Variants in ARL15 observed in about 807,000 individuals in gnomAD.
ARL15 encodes ARF like GTPase 15, also known as ADP-ribosylation factor-like protein 15.
A neutral mutation model predicts 25.2 loss-of-function variants in ARL15; 19 were observed. That is an observed-to-expected ratio of 0.75 (90% CI 0.53 to 1.10). ARL15 has a LOEUF of 1.10. ARL15 is among the 50% of genes least tolerant of loss of function. ARL15 has a pLI of 0.00. For missense variants in ARL15, 220 were observed against 246.0 expected, an observed-to-expected ratio of 0.89 and a Z score of 0.71; for synonymous variants, 94 against 86.8, an observed-to-expected ratio of 1.08 and a Z score of -0.46.
intron 4 of ARL15, among the ~76,000 whole-genome samples, chr5:54,098,704 G>T (rs1752355796): frequency 6.6e-6 from 1 of 152,122 alleles, no homozygotes; most frequent in South Asian, 2.1e-4. Flanking sequence ...CTCCTCTTCT[G>T]CCCTGTTTTC....
chr5:54,144,100 G>C (rs184812366), intron 3 of ARL15, among the ~76,000 whole-genome samples: 1 of 152,132 alleles, frequency 6.6e-6, no homozygotes, highest in African/African-American at 2.4e-5. Flanking sequence ...GTGAAAGAGA[G>C]AGAAATCGTA....
intron 4 of ARL15, among the ~76,000 whole-genome samples, chr5:53,957,657 T>C (rs1747203133): frequency 1.3e-5 from 2 of 151,752 alleles, no homozygotes; most frequent in South Asian, 4.2e-4. Flanking sequence ...AGCTTGTCTC[T>C]ACAAAAAAAT....
At chr5:53,912,070 A>T (rs1029070514) in intron 4 of ARL15, 26 of 151,990 alleles carry the variant, frequency 1.7e-4, no homozygotes, top group Admixed American at 1.2e-3. Flanking sequence ...CACAGGAGCC[A>T]CGCTAATCTC....
chr5:53,922,953 A>C (rs745487109), intron 4 of ARL15, among the ~76,000 whole-genome samples: 2 of 152,222 alleles, frequency 1.3e-5, no homozygotes, highest in Non-Finnish European at 2.9e-5. Flanking sequence ...TTGAATAACC[A>C]GTGTATACAG....
At chr5:54,191,934 A>G (rs145400831) in intron 1 of ARL15, among the ~76,000 whole-genome samples, 127 of 152,232 alleles carry the variant, frequency 8.3e-4, no homozygotes, top group African/African-American at 3.0e-3. Flanking sequence ...ATAGCAGACT[A>G]AAAGGTCCTA....
chr5:53,925,474 G>C (rs1380322934), intron 4 of ARL15, among the ~76,000 whole-genome samples: 1 of 152,150 alleles, frequency 6.6e-6, no homozygotes, highest in Non-Finnish European at 1.5e-5. Flanking sequence ...TGGGATTATA[G>C]GCGTGAACCA....
chr5:54,047,049 G>T (rs1298849587), intron 4 of ARL15, among the ~76,000 whole-genome samples: 1 of 152,218 alleles, frequency 6.6e-6, no homozygotes, highest in Non-Finnish European at 1.5e-5. Context: ...AGGAGGGTCA[G>T]TGAGTTGAAG....
chr5:54,089,486 T>C (rs1234178041), intron 4 of ARL15, among the ~76,000 whole-genome samples: 3 of 152,192 alleles, frequency 2.0e-5, no homozygotes, highest in East Asian at 1.9e-4. Flanking sequence ...CCATTCATAA[T>C]AAAATTCACT....
chr5:53,966,308 C>A (rs113099130), intron 4 of ARL15, among the ~76,000 whole-genome samples: 1 of 152,290 alleles, frequency 6.6e-6, no homozygotes, highest in Non-Finnish European at 1.5e-5. Context: ...GAAGGTTGTA[C>A]CCCAGGGAGG....
chr5:54,252,017 T>G (rs1188153726), intron 1 of ARL15, among the ~76,000 whole-genome samples: 2 of 152,238 alleles, frequency 1.3e-5, no homozygotes, highest in Non-Finnish European at 2.9e-5. Context: ...AAAGACTAAT[T>G]TAAAATTCTC....
At chr5:54,051,375 T>G (rs1750696536) in intron 4 of ARL15, among the ~76,000 whole-genome samples, 1 of 152,228 alleles carries the variant, frequency 6.6e-6, no homozygotes, top group Non-Finnish European at 1.5e-5. Context: ...ACCCTCACAC[T>G]TACAACATGC....
intron 1 of ARL15, chr5:54,282,363 T>C (rs1190914601): frequency 4.1e-6 from 4 of 985,294 alleles, no homozygotes; most frequent in Non-Finnish European, 4.8e-6. Flanking sequence ...GAATAAGAAA[T>C]GTTTGTACCA....
chr5:54,264,623 C>G (rs7720558), intron 1 of ARL15, among the ~76,000 whole-genome samples: 1 of 152,060 alleles, frequency 6.6e-6, no homozygotes, highest in African/African-American at 2.4e-5. Flanking sequence ...ACTCTTTCTG[C>G]TTCAGCCATT....
intron 1 of ARL15, among the ~76,000 whole-genome samples, chr5:54,252,848 C>T (rs1226412110): frequency 3.9e-5 from 6 of 152,086 alleles, no homozygotes; most frequent in Non-Finnish European, 5.9e-5. Context: ...CTCAGCCTTC[C>T]GAGCAGCTGG....
chr5:54,023,049 G>C (rs761344208), intron 4 of ARL15, among the ~76,000 whole-genome samples: 1 of 152,162 alleles, frequency 6.6e-6, no homozygotes, highest in Non-Finnish European at 1.5e-5. Flanking sequence ...GGATGGAGAA[G>C]TCAGGTCAGT....
chr5:54,172,598 G>A (rs139326251), intron 1 of ARL15, among the ~76,000 whole-genome samples: 1,719 of 152,200 alleles, frequency 0.011, 12 homozygotes, highest in Middle Eastern at 0.031. Flanking sequence ...ATACCTCTAA[G>A]TATTTAGAGG....
At chr5:53,901,181 G>A (rs905429469) in intron 4 of ARL15, among the ~76,000 whole-genome samples, 6 of 151,858 alleles carry the variant, frequency 4.0e-5, no homozygotes, top group African/African-American at 9.7e-5. Context: ...CTTCCTTTCT[G>A]TCAATCATTT....
At chr5:54,019,958 T>C (rs1055835608) in intron 4 of ARL15, among the ~76,000 whole-genome samples, 2 of 152,200 alleles carry the variant, frequency 1.3e-5, no homozygotes, top group African/African-American at 4.8e-5. Context: ...AAAAGCAAAT[T>C]AGCAGTTCTC....
chr5:54,113,007 C>T, intron 4 of ARL15, 195 bp downstream of exon 4: 1 of 561,008 alleles, frequency 1.8e-6, no homozygotes, highest in East Asian at 3.0e-5. Flanking sequence ...ACTCTGTGCT[C>T]TCCAAGTAGG....
Sources: allele counts gnomAD v4.1 joint callset (sites outside exome capture counted in the v4.1 genomes callset), GRCh38; gene constraint gnomAD v4.1.1; transcripts MANE v1.5; gene names NCBI Gene and HGNC (gene_info 2026-07-23, HGNC 2026-07-21).